KALRN: variants seen among roughly 807,000 people sequenced by gnomAD.
The protein encoded by KALRN is kalirin.
Under a neutral mutation model 353.7 loss-of-function variants are expected in KALRN, and 70 were observed. The ratio of observed to expected loss-of-function variants is 0.20; its 90% CI spans 0.16 to 0.24. The LOEUF is 0.24. Ranked by LOEUF, KALRN falls within the 10% of genes least tolerant of loss-of-function variation. KALRN has a pLI of 1.00. For synonymous variants in KALRN, 1,391 were observed against 1,434.8 expected (o/e 0.97, Z 0.69); for missense variants, 2,791 against 3,756.7 (o/e 0.74, Z 6.72).
intron 3 of KALRN, among the ~76,000 whole-genome samples, chr3:124,257,901 G>A (rs1001062776): frequency 1.2e-4 from 19 of 152,144 alleles, no homozygotes; most frequent in South Asian, 8.3e-4. Flanking sequence ...CTATGCCCCC[G>A]TCCTCACCAT....
chr3:124,093,348 C>T (rs561356273), intron 1 of KALRN, among the ~76,000 whole-genome samples: 11 of 152,254 alleles, frequency 7.2e-5, no homozygotes, highest in African/African-American at 2.2e-4. Context: ...CTGGCATGGC[C>T]TAGGCTGCAC....
intron 1 of KALRN, among the ~76,000 whole-genome samples, chr3:124,153,773 G>C (rs1451073489): frequency 6.6e-6 from 1 of 151,896 alleles, no homozygotes; most frequent in Non-Finnish European, 1.5e-5. Context: ...ATCCTCTCCA[G>C]CACCTGTTGT....
At chr3:124,503,648 C>T (rs2064871741) in intron 33 of KALRN, among the ~76,000 whole-genome samples, 1 of 152,094 alleles carries the variant, frequency 6.6e-6, no homozygotes, top group African/African-American at 2.4e-5. Flanking sequence ...CTCTGGCTGC[C>T]CTCTCACCTC....
intron 34 of KALRN, among the ~76,000 whole-genome samples, chr3:124,596,102 A>G (rs928808093): frequency 6.6e-6 from 1 of 151,292 alleles, no homozygotes; most frequent in African/African-American, 2.4e-5. Context: ...AGGTGAAATT[A>G]GTTTTATTGT....
chr3:124,687,777 T>G (rs1272517444), intron 51 of KALRN, among the ~76,000 whole-genome samples: 2 of 151,944 alleles, frequency 1.3e-5, no homozygotes, highest in Non-Finnish European at 2.9e-5. Context: ...GCAATTAAGT[T>G]AGAAATCATC....
chr3:124,662,917 T>C (rs2085076898), intron 45 of KALRN, among the ~76,000 whole-genome samples: 1 of 152,096 alleles, frequency 6.6e-6, no homozygotes, highest in Admixed American at 6.5e-5. Context: ...GCATTCTCCC[T>C]GTATCTTCAC....
chr3:124,458,455 T>C (rs548343876), intron 23 of KALRN, among the ~76,000 whole-genome samples: 4 of 152,302 alleles, frequency 2.6e-5, no homozygotes, highest in South Asian at 2.1e-4. Flanking sequence ...CCCACTGTCA[T>C]TGGCCCATCC....
rs77236635 is a variant in KALRN, at chr3:124,417,681, T to C, written c.2542+4016T>C. ...GGCTAGAATACAAAAGAGGAAATCC[T>C]GGGTTGAAATCCCGGCCACATGTCT... is the stretch of plus-strand genomic sequence containing the variant. On this transcript the variant is annotated intron_variant, in intron 14 of 59. Coordinates refer to ENST00000682506, the MANE Select transcript of KALRN (RefSeq NM_001388419.1). Among the ~76,000 whole-genome samples the C allele has an allele frequency of 6.4e-3, 976 of 152,328 alleles. 12 individuals are homozygous for C. The highest frequency in any genetic ancestry group is 0.021 in the African/African-American group (884 of 41,578).
intron 33 of KALRN, among the ~76,000 whole-genome samples, chr3:124,502,854 TG>T (rs2064765439): frequency 6.6e-6 from 1 of 152,182 alleles, no homozygotes; most frequent in Admixed American, 6.5e-5. Context: ...GCATTAGGAT[TG>T]ATAAAAATCT....
intron 58 of KALRN, among the ~76,000 whole-genome samples, chr3:124,715,046 A>T (rs536395825): frequency 6.6e-6 from 1 of 152,056 alleles, no homozygotes; most frequent in African/African-American, 2.4e-5. Context: ...GGGGGAAAAG[A>T]TATAGTTTTT....
At chr3:124,337,175 CCAGAA>C (rs2081221662) in intron 9 of KALRN, among the ~76,000 whole-genome samples, 1 of 152,120 alleles carries the variant, frequency 6.6e-6, no homozygotes, top group African/African-American at 2.4e-5. Flanking sequence ...ATTGCCCTGG[CCAGAA>C]CTTCCAATAC....
At chr3:124,671,572 G>A (rs2086456002) in intron 47 of KALRN, 88 bp from the exon 48 acceptor site, 7 of 837,290 alleles carry the variant, frequency 8.4e-6, no homozygotes, top group South Asian at 6.1e-5. Flanking sequence ...TCCACACGAT[G>A]CCTAACACAA....
At position 124,632,583 on chromosome 3, in the gene KALRN, C is replaced by T. The variant is rs760310321; in HGVS notation, c.5346C>T (p.Ser1782=). Residue 1782 remains serine (S), a synonymous_variant, in exon 35 of 60, where the codon AGC becomes AGT. Transcript: ENST00000682506. ...WLTSPVRRLN[S]GKADGNIKKQ... ...CGAGTCCTGTGCGTCGGCTTAACAG[C>T]GGGAAGGCAGATGGAAACATCAAAA... The T allele has an allele frequency of 3.8e-5, 61 of 1,614,038 alleles. No homozygotes were observed. The East Asian group carries it at 4.0e-4, about 11-fold the overall frequency.
At chr3:124,219,407 A>G (rs535544515) in intron 1 of KALRN, among the ~76,000 whole-genome samples, 10 of 152,286 alleles carry the variant, frequency 6.6e-5, no homozygotes, top group Admixed American at 5.9e-4. Context: ...ATTTATGGAA[A>G]TATACTTCAA....
chr3:124,039,673 A>G (rs528727084), intron 1 of KALRN, among the ~76,000 whole-genome samples: 3 of 152,352 alleles, frequency 2.0e-5, no homozygotes, highest in Admixed American at 6.5e-5. Context: ...TTGGTATGCA[A>G]TTCCTTGAGT....
chr3:124,605,092 G>A (rs1415754098), intron 34 of KALRN, among the ~76,000 whole-genome samples: 3 of 151,900 alleles, frequency 2.0e-5, no homozygotes, highest in Non-Finnish European at 4.4e-5. Context: ...GAGCCCAGGA[G>A]GCGAAAGTTG....
At chr3:124,502,041 T>C (rs1399738822) in intron 33 of KALRN, among the ~76,000 whole-genome samples, 1 of 152,208 alleles carries the variant, frequency 6.6e-6, no homozygotes, top group Non-Finnish European at 1.5e-5. Context: ...ATTTTCCCTG[T>C]AGGGATTAGT....
chr3:124,327,348 C>T (rs1015810680), intron 7 of KALRN, among the ~76,000 whole-genome samples: 1 of 152,176 alleles, frequency 6.6e-6, no homozygotes, highest in Non-Finnish European at 1.5e-5. Flanking sequence ...TATTCAGGTG[C>T]TTTTCACCTT....
At chr3:124,189,142 G>A (rs932674159) in intron 1 of KALRN, among the ~76,000 whole-genome samples, 3 of 152,238 alleles carry the variant, frequency 2.0e-5, no homozygotes, top group Non-Finnish European at 2.9e-5. Context: ...TCAGGGTCTC[G>A]CTTATAAGAT....
Sources: allele counts gnomAD v4.1 joint callset (sites outside exome capture counted in the v4.1 genomes callset), GRCh38; gene constraint gnomAD v4.1.1; transcripts MANE v1.5; gene names NCBI Gene and HGNC (gene_info 2026-07-23, HGNC 2026-07-21).